Variants in PARD3B observed in about 807,000 individuals in gnomAD.
PARD3B encodes the protein partitioning defective 3 homolog B.
In PARD3B, 103 loss-of-function variants were observed where a neutral mutation model predicts 130.2. That is an observed-to-expected ratio of 0.79 (90% CI 0.67 to 0.93). The LOEUF is 0.93. Among genes scored for constraint, PARD3B ranks in the 40% least tolerant of loss-of-function variants. PARD3B has a pLI of 0.00. For synonymous variants in PARD3B, 583 were observed against 553.2 expected, an observed-to-expected ratio of 1.05 and a Z score of -0.76; for missense variants, 1,609 against 1,499.2, an observed-to-expected ratio of 1.07 and a Z score of -1.21.
At chr2:204,682,106 A>T (rs1037756045) in intron 1 of PARD3B, among the ~76,000 whole-genome samples, 1 of 152,132 alleles carries the variant, frequency 6.6e-6, no homozygotes, top group African/African-American at 2.4e-5. Flanking sequence ...ATCATACAAA[A>T]GGCCATCCAG....
At chr2:205,197,847 A>T (rs181007776) in intron 15 of PARD3B, among the ~76,000 whole-genome samples, 4 of 152,084 alleles carry the variant, frequency 2.6e-5, no homozygotes, top group Non-Finnish European at 5.9e-5. Flanking sequence ...TTCATAATTG[A>T]GCTTGTGTGG....
rs368952969 is a variant in PARD3B, at chr2:205,108,555, A to G, written c.593+4041A>G. Among the ~76,000 whole-genome samples the G allele has an allele frequency of 1.5e-4, 23 of 151,872 alleles. No individual in the cohort carries two copies. The East Asian group carries it at 4.5e-3, about 30-fold the overall frequency. On this transcript the variant is annotated intron_variant, in intron 5 of 22. Transcript: ENST00000406610. Reference sequence around the variant, plus strand: ...TTACAACCAATTGTTATGCTCACAGACTATCCTCGTTCAATATCTCCATAC... The same window carrying G: ...TTACAACCAATTGTTATGCTCACAGGCTATCCTCGTTCAATATCTCCATAC...
At chr2:204,775,214 A>G (rs747273848) in intron 2 of PARD3B, among the ~76,000 whole-genome samples, 4 of 152,188 alleles carry the variant, frequency 2.6e-5, no homozygotes, top group Admixed American at 1.3e-4. Context: ...ATACGTGAGC[A>G]ATCAGGAAAT....
intron 2 of PARD3B, among the ~76,000 whole-genome samples, chr2:204,865,823 A>G (rs1415221285): frequency 1.3e-5 from 2 of 152,222 alleles, no homozygotes; most frequent in African/African-American, 2.4e-5. Flanking sequence ...AGTAAATCAC[A>G]GTATTAGTAT....
At chr2:204,745,836 T>C (rs2040200635) in intron 2 of PARD3B, among the ~76,000 whole-genome samples, 1 of 152,100 alleles carries the variant, frequency 6.6e-6, no homozygotes, top group African/African-American at 2.4e-5. Flanking sequence ...CCTAGCACTA[T>C]TCACTTGCTG....
chr2:204,677,315 G>A lies in PARD3B; in HGVS notation c.121-8866G>A, dbSNP rs957467439. Among the ~76,000 whole-genome samples the A allele has an allele frequency of 1.3e-5, 2 of 152,160 alleles. No homozygotes were observed. The highest frequency in any genetic ancestry group is 4.8e-5 in the African/African-American group (2 of 41,440). ...CATTGGCCTTATTCAGAGGACGTAT[G>A]TTCACTTCCATTGTGGTGTCTCCCT... On this transcript the variant is annotated intron_variant, in intron 1 of 22. Coordinates refer to ENST00000406610, the MANE Select transcript of PARD3B (RefSeq NM_001302769.2). This position sits in a 1 kb window ranked among gnomAD's most constrained non-coding sequence, Gnocchi z 4.1.
chr2:205,158,884 A>C lies in PARD3B; in HGVS notation c.1597A>C (p.Ile533Leu). ...CTTGGGGATTTTTATCAAATCCATCATTCATGGAGGCGCTGCTTTTAAGGT... is the reference window on the plus strand; with the variant it reads ...CTTGGGGATTTTTATCAAATCCATCCTTCATGGAGGCGCTGCTTTTAAGGT... ...TDLGIFIKSI[I>L]HGGAAFKDGR... Residue 533 changes from isoleucine to leucine, a missense_variant, in exon 11 of 23, where the codon ATT (isoleucine) becomes CTT (leucine). Physicochemically the swap from Ile to Leu is conservative, Grantham distance 5 (BLOSUM62 2). Transcript: ENST00000406610. This position sits in a 1 kb window ranked among gnomAD's most constrained non-coding sequence, Gnocchi z 5.4. 2 of 1,613,946 alleles carry C rather than the reference A, an allele frequency of 1.2e-6. No individual in the cohort carries two copies. The highest frequency in any genetic ancestry group is 1.7e-6 in the Non-Finnish European group (2 of 1,179,990).
chr2:204,879,203 C>T (rs2045951709), intron 2 of PARD3B, among the ~76,000 whole-genome samples: 1 of 152,050 alleles, frequency 6.6e-6, no homozygotes, highest in Non-Finnish European at 1.5e-5. Context: ...ATTTTTGTTA[C>T]TGGACAGGGA....
chr2:205,097,648 C>G (rs1575771727), intron 4 of PARD3B, among the ~76,000 whole-genome samples: 1 of 152,128 alleles, frequency 6.6e-6, no homozygotes, highest in East Asian at 1.9e-4. Flanking sequence ...AGTGCGGGGC[C>G]CAGCAATCTA....
At chr2:204,631,218 A>T (rs2034667220) in intron 1 of PARD3B, among the ~76,000 whole-genome samples, 2 of 149,404 alleles carry the variant, frequency 1.3e-5, no homozygotes, top group Admixed American at 1.3e-4. Flanking sequence ...CCCCAAAGTC[A>T]TTGTACCGAT....
chr2:205,188,943 T>C lies in PARD3B; in HGVS notation c.2024+3080T>C, dbSNP rs1396838677. On this transcript the variant is annotated intron_variant, in intron 14 of 22. Coordinates refer to ENST00000406610, the MANE Select transcript of PARD3B (RefSeq NM_001302769.2). The stretch of plus-strand genomic sequence containing the variant: ...GTACAAAATGAAATCAGGAAATTGC[T>C]CAACCTATTTTTACTATTATGCAAT... Among the ~76,000 whole-genome samples the C allele has an allele frequency of 2.6e-5, 4 of 152,318 alleles. No homozygotes were observed. The East Asian group carries it at 5.8e-4, about 22-fold the overall frequency.
intron 3 of PARD3B, among the ~76,000 whole-genome samples, chr2:205,037,546 T>G (rs1433852810): frequency 6.8e-6 from 1 of 148,034 alleles, no homozygotes; most frequent in African/African-American, 2.5e-5. Flanking sequence ...ACTATACATA[T>G]GTAAAATATA....
intron 18 of PARD3B, among the ~76,000 whole-genome samples, chr2:205,324,861 G>A (rs376301848): frequency 3.3e-5 from 5 of 152,182 alleles, no homozygotes; most frequent in African/African-American, 7.2e-5. Context: ...CAGATGGTCC[G>A]TAGGTACCCC....
intron 2 of PARD3B, among the ~76,000 whole-genome samples, chr2:204,919,546 G>A (rs761225916): frequency 4.6e-5 from 7 of 152,124 alleles, no homozygotes; most frequent in Non-Finnish European, 1.0e-4. Context: ...GCATGTTTTT[G>A]AGATTCACCG....
chr2:205,313,726 A>G (rs1208847765), intron 18 of PARD3B, among the ~76,000 whole-genome samples: 1 of 152,196 alleles, frequency 6.6e-6, no homozygotes, highest in Non-Finnish European at 1.5e-5. Flanking sequence ...TTATCTCATT[A>G]CTTTTCTTGG....
intron 3 of PARD3B, among the ~76,000 whole-genome samples, chr2:204,976,603 A>ATTTTTTTTTTTTTTTTTTTTTTTTTTTTT (rs35902126): frequency 1.2e-5 from 1 of 83,206 alleles, no homozygotes; most frequent in Non-Finnish European, 2.3e-5. Flanking sequence ...TAGGTAATTG[A>ATTTTTTTTTTTTTTTTTTTTTTTTTTTTT]TTTTTTTTTT....
In PARD3B at chr2:205,405,111, A is replaced by G. The variant is rs143996682; in HGVS notation, c.2741+3988A>G. ...GGATAGTTTATCTATAGCTACATGT[A>G]CTGAAAAAGTCCAAAAAGCCATAAA... On this transcript the variant is annotated intron_variant, in intron 19 of 22. Transcript: ENST00000406610. The surrounding 1 kb of genome is among the most constrained non-coding windows in gnomAD (Gnocchi z 4.1). Among the ~76,000 whole-genome samples the G allele has an allele frequency of 4.6e-5, 7 of 152,292 alleles. No homozygotes were observed. The East Asian group carries it at 1.4e-3, about 29-fold the overall frequency.
At chr2:204,732,551 C>A (rs2039564758) in intron 2 of PARD3B, among the ~76,000 whole-genome samples, 1 of 148,586 alleles carries the variant, frequency 6.7e-6, no homozygotes, top group Non-Finnish European at 1.5e-5. Context: ...GTCGCCCAGG[C>A]TGGAGTGCAG....
intron 19 of PARD3B, among the ~76,000 whole-genome samples, chr2:205,413,414 C>T (rs1346610822): frequency 6.6e-6 from 1 of 152,076 alleles, no homozygotes; most frequent in Non-Finnish European, 1.5e-5. Flanking sequence ...GGATCTAATA[C>T]ATTATGTTTC....
Sources: allele counts gnomAD v4.1 joint callset (sites outside exome capture counted in the v4.1 genomes callset), GRCh38; gene constraint gnomAD v4.1.1; non-coding constraint Gnocchi (gnomAD v3.1); transcripts MANE v1.5; gene names NCBI Gene and HGNC (gene_info 2026-07-23, HGNC 2026-07-21).